The following ANKRD26 variants were observed in gnomAD, a reference collection of about 807,000 sequenced individuals.
ANKRD26 encodes the protein ankyrin repeat domain 26.
In ANKRD26, 141 loss-of-function variants were observed where a neutral mutation model predicts 208.7. The ratio of observed to expected loss-of-function variants is 0.68; its 90% confidence interval spans 0.59 to 0.78. The LOEUF (loss-of-function observed/expected upper bound fraction) is 0.78, where lower values mean the gene tolerates loss of function less well. ANKRD26 is among the 30% of genes least tolerant of loss of function. The pLI, the probability that ANKRD26 is intolerant of heterozygous loss-of-function variation, is 0.00. For missense variants in ANKRD26, 1,889 were observed against 1,938.7 expected (o/e 0.97, Z 0.48); for synonymous variants, 636 against 660.4 (o/e 0.96, Z 0.57).
chr10:27,051,253 T>C (rs189428280), intron 16 of ANKRD26: 1,402 of 1,289,768 alleles, frequency 1.1e-3, no homozygotes, highest in Non-Finnish European at 1.3e-3. Context: ...TTATTAGCAC[T>C]GCAATGATCA....
At chr10:26,971,804 C>T (rs2052146583), downstream of ANKRD26, among the ~76,000 whole-genome samples, 1 of 152,118 alleles carries the variant, frequency 6.6e-6, no homozygotes, top group Admixed American at 6.6e-5. Flanking sequence ...TCTTCCTGCC[C>T]AGCTTTTACC....
chr10:26,963,889 T>C, the ANKRD26 span, among the ~76,000 whole-genome samples: 2 of 147,796 alleles, frequency 1.4e-5, no homozygotes, highest in Admixed American at 6.8e-5. Context: ...TTTGTTTGTT[T>C]GGATGGTTGG....
intron 20 of ANKRD26, among the ~76,000 whole-genome samples, chr10:27,041,178 T>C (rs2054226951): frequency 6.7e-6 from 1 of 149,552 alleles, no homozygotes; most frequent in Non-Finnish European, 1.5e-5. Flanking sequence ...TGAGTTGAAG[T>C]GATGAAGCTG....
chr10:27,062,246 CTCTT>C (rs1411432941), intron 12 of ANKRD26: 6 of 966,706 alleles, frequency 6.2e-6, no homozygotes, highest in African/African-American at 1.8e-5. Context: ...ATTTCTCCAT[CTCTT>C]TGTTTCTTCT....
At chr10:27,042,354 C>A (rs952599627) in intron 20 of ANKRD26, among the ~76,000 whole-genome samples, 7 of 152,214 alleles carry the variant, frequency 4.6e-5, no homozygotes, top group Non-Finnish European at 8.8e-5. Context: ...CGGTGGCTCA[C>A]GCCCGAAATC....
At chr10:27,001,700 G>A (rs2052729255), downstream of ANKRD26, among the ~76,000 whole-genome samples, 1 of 152,132 alleles carries the variant, frequency 6.6e-6, no homozygotes, top group Admixed American at 6.5e-5. Context: ...CAAAGAATAG[G>A]GAAGATGAAG....
At chr10:26,992,469 TACACACACACAC>T (rs61459601) in intron 5 of ANKRD26, among the ~76,000 whole-genome samples, 21 of 136,390 alleles carry the variant, frequency 1.5e-4, no homozygotes, top group East Asian at 8.7e-4. Context: ...TACACACACG[TACACACACACAC>T]ACACACACAC....
intron 9 of ANKRD26, among the ~76,000 whole-genome samples, chr10:27,071,279 C>T (rs1265613986): frequency 6.7e-6 from 1 of 149,612 alleles, no homozygotes; most frequent in East Asian, 2.0e-4. Flanking sequence ...CATTCTCCTG[C>T]CTCAGCCTCC....
At chr10:27,086,789 T>TTG (rs2056137336) in intron 4 of ANKRD26, among the ~76,000 whole-genome samples, 180 bp from the exon 5 acceptor site, 5 of 101,488 alleles carry the variant, frequency 4.9e-5, no homozygotes, top group African/African-American at 1.7e-4. Flanking sequence ...TTTTTTTTTT[T>TTG]GAGACAGAGT....
At position 27,037,172 on chromosome 10, in the gene ANKRD26, G is replaced by A; in HGVS notation, c.2697+14C>T. 1 of 1,611,828 alleles carries A rather than the reference G, an allele frequency of 6.2e-7. No individual in the cohort carries two copies. Among genetic ancestry groups the A allele is most frequent in the Non-Finnish European group, 8.5e-7 (1 of 1,178,374 alleles). On this transcript the variant is annotated intron_variant, in intron 23 of 33. Coordinates refer to ENST00000376087, the MANE Select transcript of ANKRD26 (RefSeq NM_014915.3). The stretch of plus-strand genomic sequence containing the variant: ...ACACACATATTTGAAAATGACTAAA[G>A]GAAATAGAAATACCTCAGAATTCAT...
At chr10:27,053,098 TTAAC>T (rs1258779847) in intron 16 of ANKRD26, among the ~76,000 whole-genome samples, 1 of 152,122 alleles carries the variant, frequency 6.6e-6, no homozygotes, top group African/African-American at 2.4e-5. Flanking sequence ...AGGGTAAAGA[TTAAC>T]TATAACAAAA....
chr10:27,051,197 TGGA>T (rs1459716379), intron 16 of ANKRD26: 4 of 1,289,928 alleles, frequency 3.1e-6, no homozygotes, highest in Admixed American at 4.6e-5. Context: ...CACCACGTGG[TGGA>T]GAAGACCTCA....
the ANKRD26 span, among the ~76,000 whole-genome samples, chr10:26,961,956 C>A: frequency 6.6e-6 from 1 of 152,068 alleles, no homozygotes; most frequent in Non-Finnish European, 1.5e-5. Flanking sequence ...ACAAGAACCA[C>A]GGGATTTTAG....
chr10:26,997,103 G>C (rs1402706301), intron 4 of ANKRD26, among the ~76,000 whole-genome samples: 1 of 152,008 alleles, frequency 6.6e-6, no homozygotes, highest in East Asian at 1.9e-4. Flanking sequence ...AGGAGATTGT[G>C]GCCCAAAAGA....
intron 4 of ANKRD26, among the ~76,000 whole-genome samples, chr10:26,981,915 G>C (rs1472724151): frequency 1.3e-5 from 2 of 152,148 alleles, no homozygotes; most frequent in Non-Finnish European, 2.9e-5. Flanking sequence ...TGTTGGGTGA[G>C]ATTAGACCCT....
chr10:27,090,839 T>C (rs1004859795), intron 4 of ANKRD26, among the ~76,000 whole-genome samples: 1 of 152,210 alleles, frequency 6.6e-6, no homozygotes, highest in African/African-American at 2.4e-5. Flanking sequence ...CTCATGCCTA[T>C]AATCTAAGCA....
rs1214003022 is a variant in ANKRD26, at chr10:27,037,751, G to A, written c.2559+120C>T. ...AATAATTTTAGTTATAAAGGTCACA[G>A]GTCAGCTTGAGATAACAGTTTTGTT... On this transcript the variant is annotated intron_variant, in intron 22 of 33. Transcript: ENST00000376087. 3.3e-5 allele frequency: 27 copies of A among 813,910 alleles called. No individual in the cohort carries two copies. The East Asian group carries it at 7.3e-4, about 22-fold the overall frequency. 50.4% of individuals were successfully genotyped at this position (813,910 alleles called of 1,614,324 possible).
chr10:27,051,047 G>T, intron 16 of ANKRD26: 1 of 1,218,106 alleles, frequency 8.2e-7, no homozygotes, highest in Non-Finnish European at 1.0e-6. Flanking sequence ...GTAGCAGCAA[G>T]CAAACCTCTA....
chr10:27,091,807 T>C (rs1274804833), intron 4 of ANKRD26, among the ~76,000 whole-genome samples: 1 of 152,076 alleles, frequency 6.6e-6, no homozygotes, highest in African/African-American at 2.4e-5. Context: ...ACCAACATGA[T>C]GAAACCCCAT....
Sources: allele counts gnomAD v4.1 joint callset (sites outside exome capture counted in the v4.1 genomes callset), GRCh38; gene constraint gnomAD v4.1.1; transcripts MANE v1.5; gene names NCBI Gene and HGNC (gene_info 2026-07-23, HGNC 2026-07-21).